The following ARMC8 variants were observed in gnomAD, a reference collection of about 807,000 sequenced individuals.
The protein encoded by ARMC8 is armadillo repeat-containing protein 8.
Under a neutral mutation model 99.3 loss-of-function variants are expected in ARMC8, and 20 were observed. That is an observed-to-expected ratio of 0.20 (90% CI 0.14 to 0.29). The LOEUF (loss-of-function observed/expected upper bound fraction) is 0.29. Among genes scored for constraint, ARMC8 ranks in the 10% least tolerant of loss-of-function variants. The pLI is 1.00. For missense variants in ARMC8, 569 were observed against 809.5 expected, an observed-to-expected ratio of 0.70 and a Z score of 3.60; for synonymous variants, 263 against 278.3, an observed-to-expected ratio of 0.95 and a Z score of 0.55.
At chr3:138,252,633 T>G (rs2047178427) in intron 12 of ARMC8, among the ~76,000 whole-genome samples, 1 of 150,958 alleles carries the variant, frequency 6.6e-6, no homozygotes, top group Non-Finnish European at 1.5e-5. Context: ...TTTTGTATTT[T>G]TAGTAGAGAT....
chr3:138,256,450 G>A (rs1407137276), intron 12 of ARMC8, among the ~76,000 whole-genome samples: 37 of 117,618 alleles, frequency 3.1e-4, no homozygotes, highest in African/African-American at 1.2e-3. Flanking sequence ...CGCTCTTTTC[G>A]CCCAGGCCGG....
intron 21 of ARMC8, among the ~76,000 whole-genome samples, chr3:138,292,860 G>A (rs1185026658): frequency 6.6e-6 from 1 of 152,200 alleles, no homozygotes; most frequent in Non-Finnish European, 1.5e-5. Flanking sequence ...AGGCAGTGAT[G>A]AGAAAGATGC....
chr3:138,231,638 C>T (rs1294174601), intron 6 of ARMC8, among the ~76,000 whole-genome samples: 1 of 152,022 alleles, frequency 6.6e-6, no homozygotes, highest in Non-Finnish European at 1.5e-5. Context: ...AGAGCTAGGC[C>T]AGGTGTGGTG....
At chr3:138,242,710 A>G (rs1156457315) in intron 11 of ARMC8, among the ~76,000 whole-genome samples, 1 of 152,090 alleles carries the variant, frequency 6.6e-6, no homozygotes, top group African/African-American at 2.4e-5. Context: ...ATGTAACTGT[A>G]TTTTTCATGC....
At position 138,225,108 on chromosome 3, in the gene ARMC8, G is replaced by GC. The variant is rs2045613682; in HGVS notation, c.435+1376dup. ...GCTCAGCCCAAATTCATTTCTTCTG[G>GC]CTTTTTTTTTTTTTTTTTTTGGAGA... is the stretch of plus-strand genomic sequence containing the variant. On this transcript the variant is annotated intron_variant, in intron 5 of 21. Transcript: ENST00000469044. 2.5e-5 allele frequency among the ~76,000 whole-genome samples: 3 copies of GC among 121,288 alleles called. No individual in the cohort carries two copies. The Admixed American group carries it at 3.0e-4, about 12-fold the overall frequency. The allele number at this position is 121,288 out of a possible 152,430, so 79.6% of individuals were successfully genotyped here.
chr3:138,214,922 G>A (rs2044925647), intron 2 of ARMC8, among the ~76,000 whole-genome samples: 1 of 152,206 alleles, frequency 6.6e-6, no homozygotes, highest in Admixed American at 6.5e-5. Flanking sequence ...GCCTCTCAAA[G>A]TGTTGGGATT....
chr3:138,201,477 T>TTC (rs1456840327), intron 1 of ARMC8, among the ~76,000 whole-genome samples: 9 of 101,946 alleles, frequency 8.8e-5, no homozygotes, highest in African/African-American at 3.6e-4. Flanking sequence ...TTTTTTTTTT[T>TTC]CCTGAGACAG....
rs181110672 is a variant in ARMC8 at position 138,290,060 on chromosome 3, T to C, written c.1895-486T>C. ...AGTCTAGTTGGAAGATAGAACAGAA[T>C]GATATGAAATTGGAAGTGCCAGCTG... On this transcript the variant is annotated intron_variant, in intron 20 of 21. Coordinates refer to ENST00000469044, the MANE Select transcript of ARMC8 (RefSeq NM_001363941.2). 1.4e-4 allele frequency among the ~76,000 whole-genome samples: 22 copies of C among 152,134 alleles called. No homozygotes were observed. The East Asian group carries it at 3.7e-3, about 25-fold the overall frequency.
At chr3:138,205,480 C>A (rs1313805127) in intron 1 of ARMC8, among the ~76,000 whole-genome samples, 1 of 152,192 alleles carries the variant, frequency 6.6e-6, no homozygotes, top group African/African-American at 2.4e-5. Context: ...CTGAATACAT[C>A]TTCCACAGTG....
intron 2 of ARMC8, 131 bp from the exon 3 acceptor site, chr3:138,221,795 T>C (rs1236546642): frequency 1.5e-6 from 1 of 662,988 alleles, no homozygotes. Context: ...CCTTCATTAG[T>C]ACTTTAGGTG....
intron 12 of ARMC8, among the ~76,000 whole-genome samples, chr3:138,257,386 A>G (rs2047460888): frequency 6.6e-6 from 1 of 152,226 alleles, no homozygotes; most frequent in Non-Finnish European, 1.5e-5. Context: ...ATATGGCATC[A>G]TGTCTTTAAG....
chr3:138,288,709 C>T (rs1187689953), intron 19 of ARMC8, among the ~76,000 whole-genome samples: 1 of 149,020 alleles, frequency 6.7e-6, no homozygotes. Flanking sequence ...ACGATCTCAG[C>T]TCACTGCAAC....
At chr3:138,286,547 G>A (rs2050435162) in intron 19 of ARMC8, among the ~76,000 whole-genome samples, 1 of 151,870 alleles carries the variant, frequency 6.6e-6, no homozygotes, top group Admixed American at 6.6e-5. Flanking sequence ...TCTTCTACAC[G>A]TGCTCTCCTG....
chr3:138,237,234 G>A (rs2108154355), intron 7 of ARMC8, 75 bp from the exon 8 acceptor site: 1 of 1,322,500 alleles, frequency 7.6e-7, no homozygotes, highest in South Asian at 1.2e-5. Flanking sequence ...TTTTAGAAGA[G>A]TTTAGATTCT....
chr3:138,206,731 C>T (rs1208151491), intron 1 of ARMC8, among the ~76,000 whole-genome samples: 1 of 152,164 alleles, frequency 6.6e-6, no homozygotes, highest in Non-Finnish European at 1.5e-5. Context: ...ACCTGATCTA[C>T]AAGGAGCAGT....
intron 4 of ARMC8, 37 bp from the exon 5 acceptor site, chr3:138,223,599 T>A: frequency 6.2e-7 from 1 of 1,613,886 alleles, no homozygotes; most frequent in Non-Finnish European, 8.5e-7. Flanking sequence ...AAATACTGGT[T>A]GAAAGGATTA....
At chr3:138,231,684 A>G (rs145109188) in intron 6 of ARMC8, among the ~76,000 whole-genome samples, 145 of 152,090 alleles carry the variant, frequency 9.5e-4, no homozygotes, top group African/African-American at 3.3e-3. Context: ...TGGGAGGCTG[A>G]GAGGATCCCT....
intron 8 of ARMC8, 38 bp from the exon 9 acceptor site, chr3:138,237,444 A>C (rs770643415): frequency 8.1e-6 from 13 of 1,611,160 alleles, no homozygotes; most frequent in Middle Eastern, 1.7e-4. Flanking sequence ...TTAGATTTAA[A>C]GAATTTCCTT....
chr3:138,190,117 G>A (rs1040305622), intron 1 of ARMC8, among the ~76,000 whole-genome samples: 2 of 151,768 alleles, frequency 1.3e-5, no homozygotes, highest in African/African-American at 4.8e-5. Flanking sequence ...TATTTTTACT[G>A]TCTTTAATGT....
Sources: gnomAD v4.1 joint callset for allele counts (sites outside exome capture counted in the v4.1 genomes callset) on GRCh38, gnomAD v4.1.1 for gene constraint, MANE v1.5 for transcripts, NCBI Gene and HGNC (gene_info 2026-07-23, HGNC 2026-07-21) for gene names.